Variants in PDE4D observed in about 807,000 individuals in gnomAD.
PDE4D encodes the protein phosphodiesterase 4D, also known as 3',5'-cyclic-AMP phosphodiesterase 4D.
PDE4D carries 24 observed loss-of-function variants against 87.4 expected under a neutral mutation model. The ratio of observed to expected loss-of-function variants is 0.27; its 90% CI spans 0.20 to 0.39. The LOEUF is 0.39. PDE4D is among the 10% of genes least tolerant of loss of function. The pLI is 1.00. For missense variants in PDE4D, 714 were observed against 1,041.0 expected (o/e 0.69, Z 4.32); for synonymous variants, 384 against 383.2 (o/e 1.00, Z -0.02).
intron 5 of PDE4D, among the ~76,000 whole-genome samples, chr5:59,154,684 G>A (rs530546884): frequency 9.2e-5 from 14 of 152,156 alleles, no homozygotes; most frequent in African/African-American, 3.4e-4. Context: ...CCAAGAATTC[G>A]AGACCAGCCT....
intron 2 of PDE4D, among the ~76,000 whole-genome samples, chr5:59,199,602 C>T (rs1746271257): frequency 6.6e-6 from 1 of 152,036 alleles, no homozygotes; most frequent in African/African-American, 2.4e-5. Context: ...AAACTATCAT[C>T]CATCTATCAA....
At chr5:60,341,147 T>C (rs1414220427) in intron 1 of PDE4D, among the ~76,000 whole-genome samples, 1 of 152,110 alleles carries the variant, frequency 6.6e-6, no homozygotes, top group Non-Finnish European at 1.5e-5. Context: ...TTTTCTTCTG[T>C]TGAATTAATG....
intron 3 of PDE4D, among the ~76,000 whole-genome samples, chr5:59,974,002 A>G (rs539930551): frequency 6.6e-6 from 1 of 152,316 alleles, no homozygotes; most frequent in Admixed American, 6.5e-5. Context: ...GGTTGCTATG[A>G]CTTAAAGTCT....
At chr5:59,437,454 T>G (rs193244057) in intron 1 of PDE4D, among the ~76,000 whole-genome samples, 135 of 152,326 alleles carry the variant, frequency 8.9e-4, no homozygotes, top group Admixed American at 8.1e-3. Context: ...ACTTTAAACT[T>G]ATTTCCAAAT....
intron 1 of PDE4D, among the ~76,000 whole-genome samples, chr5:59,865,616 G>A (rs1319338388): frequency 6.6e-6 from 1 of 152,146 alleles, no homozygotes; most frequent in Non-Finnish European, 1.5e-5. Flanking sequence ...GAGACAGAGT[G>A]AGTATATTGT....
chr5:58,982,166 G>C (rs1204362735), intron 11 of PDE4D, among the ~76,000 whole-genome samples: 1 of 152,142 alleles, frequency 6.6e-6, no homozygotes, highest in Non-Finnish European at 1.5e-5. Flanking sequence ...ATTATGAGTC[G>C]TAACAGTCCC....
At chr5:59,918,929 T>C (rs1032988633) in intron 3 of PDE4D, among the ~76,000 whole-genome samples, 1 of 152,160 alleles carries the variant, frequency 6.6e-6, no homozygotes, top group African/African-American at 2.4e-5. Flanking sequence ...TAAGTGTGTG[T>C]TGTTTTAACC....
intron 1 of PDE4D, among the ~76,000 whole-genome samples, chr5:59,613,503 A>T (rs1248169561): frequency 6.6e-6 from 1 of 152,190 alleles, no homozygotes; most frequent in African/African-American, 2.4e-5. Flanking sequence ...ACGCAGAAGG[A>T]GGACAGAAGA....
At chr5:59,049,221 T>C (rs1381116265) in intron 5 of PDE4D, among the ~76,000 whole-genome samples, 1 of 152,210 alleles carries the variant, frequency 6.6e-6, no homozygotes, top group Non-Finnish European at 1.5e-5. Context: ...TATAACTGTC[T>C]AGAAAATTCC....
intron 1 of PDE4D, among the ~76,000 whole-genome samples, chr5:60,365,816 G>A (rs1413617117): frequency 6.6e-6 from 1 of 152,078 alleles, no homozygotes; most frequent in Non-Finnish European, 1.5e-5. Context: ...GGCTGAGGCG[G>A]GTGGGTTACC....
chr5:60,328,500 A>G (rs1255762048), intron 1 of PDE4D, among the ~76,000 whole-genome samples: 4 of 152,150 alleles, frequency 2.6e-5, no homozygotes, highest in Non-Finnish European at 5.9e-5. Flanking sequence ...CTACTGTTTC[A>G]TTTTCATTGC....
At chr5:60,518,876 G>C (rs186695793) in intron 1 of PDE4D, among the ~76,000 whole-genome samples, 1 of 152,142 alleles carries the variant, frequency 6.6e-6, no homozygotes, top group Non-Finnish European at 1.5e-5. Flanking sequence ...GGGAAATACA[G>C]CAAAATGGCT....
chr5:59,735,944 C>T (rs913943505), intron 1 of PDE4D, among the ~76,000 whole-genome samples: 2 of 151,980 alleles, frequency 1.3e-5, no homozygotes, highest in Non-Finnish European at 2.9e-5. Context: ...TCTAGGATTA[C>T]AGGTGTGAGC....
chr5:59,461,839 C>T (rs540862166), intron 1 of PDE4D, among the ~76,000 whole-genome samples: 3 of 152,108 alleles, frequency 2.0e-5, no homozygotes, highest in African/African-American at 7.2e-5. Context: ...TCCATAGGCT[C>T]TCAGTAGAAA....
chr5:59,031,434 G>A (rs1323780466), intron 6 of PDE4D, among the ~76,000 whole-genome samples: 5 of 143,890 alleles, frequency 3.5e-5, no homozygotes, highest in Admixed American at 2.8e-4. Context: ...CAGGCCGGGC[G>A]CAGTGGCTCA....
At chr5:59,408,971 A>T (rs13184036) in intron 1 of PDE4D, among the ~76,000 whole-genome samples, 12,112 of 151,932 alleles carry the variant, frequency 0.08, 639 homozygotes, top group Middle Eastern at 0.16. Context: ...ATGTGATGAA[A>T]ATCCCCATCT....
intron 1 of PDE4D, among the ~76,000 whole-genome samples, chr5:60,226,355 C>A (rs951694025): frequency 2.6e-5 from 4 of 152,010 alleles, no homozygotes; most frequent in African/African-American, 9.7e-5. Context: ...GAGATTAGAA[C>A]TATAATATTA....
intron 2 of PDE4D, among the ~76,000 whole-genome samples, chr5:60,113,367 T>G (rs931127943): frequency 1.3e-5 from 2 of 152,132 alleles, no homozygotes; most frequent in African/African-American, 2.4e-5. Flanking sequence ...ATCACAAAAG[T>G]GAACACAGAT....
rs1795969092 is a variant in PDE4D at position 59,430,612 on chromosome 5, T to A, written c.456-214644A>T. 6 of 379,102 alleles carry A rather than the reference T, an allele frequency of 1.6e-5. No homozygotes were observed. In the East Asian group the frequency reaches 1.9e-4, roughly 12 times the overall value. The allele number at this position is 379,102 out of a possible 1,614,324, so 23.5% of individuals were successfully genotyped here. On this transcript the variant is annotated intron_variant, in intron 1 of 14. Coordinates refer to ENST00000340635, the MANE Select transcript of PDE4D (RefSeq NM_001104631.2). Reference sequence around the variant, plus strand: ...ACTACCTTGTTTTCTGTTCATTCTGTTCATGGATACAAGAAGCTTTTTGCT... The same window carrying A: ...ACTACCTTGTTTTCTGTTCATTCTGATCATGGATACAAGAAGCTTTTTGCT...
Sources: allele counts gnomAD v4.1 joint callset (sites outside exome capture counted in the v4.1 genomes callset), GRCh38; gene constraint gnomAD v4.1.1; transcripts MANE v1.5; gene names NCBI Gene and HGNC (gene_info 2026-07-23, HGNC 2026-07-21).